The following KAT2B variants were observed in gnomAD, a reference collection of about 807,000 sequenced individuals.
KAT2B encodes histone acetyltransferase KAT2B.
KAT2B carries 36 observed loss-of-function variants against 105.9 expected under a neutral mutation model. The ratio of observed to expected loss-of-function variants is 0.34; its 90% CI spans 0.26 to 0.45. The LOEUF is 0.45. Ranked by LOEUF, KAT2B falls within the 20% of genes least tolerant of loss-of-function variation. The pLI is 1.00. For synonymous variants in KAT2B, 397 were observed against 377.9 expected (o/e 1.05, Z -0.59); for missense variants, 820 against 1,021.6 (o/e 0.80, Z 2.69).
intron 6 of KAT2B, among the ~76,000 whole-genome samples, chr3:20,113,351 T>C (rs952445483): frequency 2.6e-5 from 4 of 152,218 alleles, no homozygotes; most frequent in African/African-American, 9.6e-5. Context: ...GACTCCTCCC[T>C]TCCCAACACC....
chr3:20,126,205 C>T (rs1019014894), intron 10 of KAT2B, 92 bp downstream of exon 10: 15 of 1,008,064 alleles, frequency 1.5e-5, no homozygotes, highest in South Asian at 3.0e-5. Context: ...AGTCATCCAC[C>T]GAATACTACT....
intron 1 of KAT2B, 113 bp downstream of exon 1, chr3:20,040,893 G>A: frequency 2.4e-6 from 3 of 1,274,152 alleles, no homozygotes; most frequent in Non-Finnish European, 2.0e-6. Flanking sequence ...CTCGCCTCCC[G>A]CCTGGGGCCG....
chr3:20,108,016 C>T (rs1254480851), intron 5 of KAT2B, among the ~76,000 whole-genome samples: 2 of 151,774 alleles, frequency 1.3e-5, no homozygotes, highest in Non-Finnish European at 2.9e-5. Flanking sequence ...CATCATGTTC[C>T]CCAGGCTGGT....
intron 5 of KAT2B, among the ~76,000 whole-genome samples, chr3:20,107,478 T>C (rs2125162805): frequency 6.6e-6 from 1 of 151,330 alleles, no homozygotes; most frequent in East Asian, 2.0e-4. Context: ...GCCAACATGG[T>C]GAAACCCTGT....
At chr3:20,113,219 T>C (rs1286222981) in intron 6 of KAT2B, among the ~76,000 whole-genome samples, 13 of 152,214 alleles carry the variant, frequency 8.5e-5, no homozygotes, top group Admixed American at 8.5e-4. Context: ...TGATGTAAGC[T>C]CCTTTCCTTA....
At chr3:20,140,190 G>A (rs1161066788) in intron 12 of KAT2B, 31 bp from the exon 13 acceptor site, 2 of 1,411,704 alleles carry the variant, frequency 1.4e-6, no homozygotes, top group African/African-American at 1.4e-5. Flanking sequence ...GGTGTATGGT[G>A]TTCATATGAA....
At chr3:20,130,852 T>G (rs568758160) in intron 11 of KAT2B, among the ~76,000 whole-genome samples, 1 of 122,754 alleles carries the variant, frequency 8.1e-6, no homozygotes, top group Non-Finnish European at 1.6e-5. Context: ...ATGGATGAGT[T>G]TAGTGTGTGT....
chr3:20,108,674 C>T (rs1282677929), intron 5 of KAT2B, among the ~76,000 whole-genome samples: 1 of 151,974 alleles, frequency 6.6e-6, no homozygotes, highest in East Asian at 1.9e-4. Flanking sequence ...GAGCAGGGGT[C>T]CCCCACCCCT....
At chr3:20,142,629 G>A (rs576690724) in intron 13 of KAT2B, among the ~76,000 whole-genome samples, 4 of 152,298 alleles carry the variant, frequency 2.6e-5, no homozygotes, top group African/African-American at 9.6e-5. Flanking sequence ...AGAGTTAAGT[G>A]CTACTTTGTG....
intron 1 of KAT2B, among the ~76,000 whole-genome samples, chr3:20,062,294 A>T (rs867757519): frequency 2.0e-5 from 1 of 51,086 alleles, no homozygotes; most frequent in Non-Finnish European, 4.4e-5. Flanking sequence ...TATAATATAT[A>T]ATATATAAAA....
intron 11 of KAT2B, among the ~76,000 whole-genome samples, chr3:20,128,607 G>A (rs1290347978): frequency 2.0e-5 from 3 of 152,062 alleles, no homozygotes; most frequent in African/African-American, 4.8e-5. Context: ...GCAGTCTGGC[G>A]AGAATAAACC....
At chr3:20,120,173 C>G (rs1455474218) in intron 8 of KAT2B, among the ~76,000 whole-genome samples, 1 of 151,662 alleles carries the variant, frequency 6.6e-6, no homozygotes, top group Non-Finnish European at 1.5e-5. Context: ...TCTCTTGAAG[C>G]CTAGGCTTGG....
At chr3:20,134,352 C>A (rs527680841) in intron 11 of KAT2B, among the ~76,000 whole-genome samples, 2 of 152,310 alleles carry the variant, frequency 1.3e-5, no homozygotes, top group East Asian at 3.9e-4. Flanking sequence ...CTTCTCTTTA[C>A]CACCTTGATT....
At chr3:20,151,418 T>G (rs1366338771) in intron 17 of KAT2B, among the ~76,000 whole-genome samples, 1 of 152,114 alleles carries the variant, frequency 6.6e-6, no homozygotes, top group Non-Finnish European at 1.5e-5. Flanking sequence ...ACTTATAATT[T>G]GGGATATTGG....
chr3:20,092,467 T>G lies in KAT2B; in HGVS notation c.431-2796T>G, dbSNP rs189632188. Among the ~76,000 whole-genome samples the G allele has an allele frequency of 9.2e-5, 14 of 151,812 alleles. No homozygotes were observed. In the East Asian group the frequency reaches 2.5e-3, roughly 27 times the overall value. ...CTGGTCTCAAACTCCTGACCTCACA[T>G]GATCCACCCACCTTGTCCTCCTAAA... On this transcript the variant is annotated intron_variant, in intron 2 of 17. Coordinates refer to ENST00000263754, the MANE Select transcript of KAT2B (RefSeq NM_003884.5).
intron 7 of KAT2B, 133 bp from the exon 8 acceptor site, chr3:20,119,465 G>A (rs1385409274): frequency 1.2e-6 from 1 of 817,160 alleles, no homozygotes; most frequent in Non-Finnish European, 2.0e-6. Context: ...TTGATGCCTT[G>A]TGGCTTATGT....
At chr3:20,135,985 T>A (rs140495714) in intron 11 of KAT2B, among the ~76,000 whole-genome samples, 1 of 152,276 alleles carries the variant, frequency 6.6e-6, no homozygotes, top group East Asian at 1.9e-4. Flanking sequence ...GTTGGCGGTG[T>A]TCTAGCAGAT....
chr3:20,072,186 T>C, intron 1 of KAT2B, 147 bp from the exon 2 acceptor site: 1 of 794,798 alleles, frequency 1.3e-6, no homozygotes, highest in Non-Finnish European at 2.1e-6. Context: ...TTGGGTTTTC[T>C]GTTTTTCTCT....
At position 20,040,638 on chromosome 3, in the gene KAT2B, C is replaced by G; in HGVS notation, c.161C>G (p.Pro54Arg). Residue 54 changes from proline (P) to arginine (R), a missense_variant, in exon 1 of 18, where the codon CCG becomes CGG. Pro to Arg is a moderately radical substitution (Grantham distance 103). Coordinates refer to ENST00000263754, the MANE Select transcript of KAT2B (RefSeq NM_003884.5). ...GCCGGGGGCTCGGGCGCCTGCGGTCCGGCGACGGCAGTGGCTGCAGCGGGC... is the reference window on the plus strand; with the variant it reads ...GCCGGGGGCTCGGGCGCCTGCGGTCGGGCGACGGCAGTGGCTGCAGCGGGC... ...AAAGGSGACGPATAVAAAGTA... is the reference protein window; with the variant it reads ...AAAGGSGACGRATAVAAAGTA... The G allele has an allele frequency of 1.4e-6, 2 of 1,402,656 alleles. 1 individual carries two copies. The highest frequency in any genetic ancestry group is 3.1e-5 in the South Asian group (2 of 65,144). 86.9% of individuals were successfully genotyped at this position (1,402,656 alleles called of 1,614,324 possible). A position where few individuals can be genotyped will look rare whatever the true frequency, so the allele number is the denominator to read the frequency against.
Sources: gnomAD v4.1 joint callset for allele counts (sites outside exome capture counted in the v4.1 genomes callset) on GRCh38, gnomAD v4.1.1 for gene constraint, MANE v1.5 for transcripts, NCBI Gene and HGNC (gene_info 2026-07-23, HGNC 2026-07-21) for gene names.